Variants in WDR5 observed in about 807,000 individuals in gnomAD.
WDR5 encodes the protein WD repeat domain 5, also known as WD repeat-containing protein 5.
For synonymous variants in WDR5, 144 were observed against 161.6 expected, an observed-to-expected ratio of 0.89 and a Z score of 0.83; for missense variants, 187 against 416.9, an observed-to-expected ratio of 0.45 and a Z score of 4.80.
chr9:134,142,993 G>T lies in WDR5; in HGVS notation c.528+274G>T, dbSNP rs115886223. Among the ~76,000 whole-genome samples, 743 of 152,326 alleles carry T rather than the reference G, an allele frequency of 4.9e-3. 6 individuals carry two copies. The highest frequency in any genetic ancestry group is 0.017 in the African/African-American group (696 of 41,574). On this transcript the variant is annotated intron_variant, in intron 7 of 13. Coordinates refer to ENST00000358625, the MANE Select transcript of WDR5 (RefSeq NM_017588.3). The stretch of plus-strand genomic sequence containing the variant: ...GGCCGTTTGTGCAGACTTGGGGGCA[G>T]TGGCCACAGGCGTTCAGGAGGTAGT...
chr9:134,142,030 G>T lies in WDR5; in HGVS notation c.346G>T (p.Val116Leu). The change falls in exon 5 of 14, where the codon GTG (valine) becomes TTG (leucine). Residue 116 changes from valine to leucine, a missense_variant. By Grantham distance (32) the Val-to-Leu change is conservative. Coordinates refer to ENST00000358625, the MANE Select transcript of WDR5 (RefSeq NM_017588.3). ...TGACAAAACCTTGAAGATATGGGAC[G>T]TGAGCTCGGTAAGTGACACTCAGTG... Reference protein sequence around the residue: ...SDDKTLKIWDVSSGKCLKTLK... With the variant: ...SDDKTLKIWDLSSGKCLKTLK... The T allele has an allele frequency of 6.2e-7, 1 of 1,613,984 alleles. No individual in the cohort carries two copies. The highest frequency in any genetic ancestry group is 8.5e-7 in the Non-Finnish European group (1 of 1,179,942).
At chr9:134,152,703 G>A (rs548939411) in intron 9 of WDR5, among the ~76,000 whole-genome samples, 3 of 152,200 alleles carry the variant, frequency 2.0e-5, no homozygotes, top group Admixed American at 6.5e-5. Flanking sequence ...ATGGACCCCC[G>A]TGTGGGGAGG....
intron 12 of WDR5, among the ~76,000 whole-genome samples, chr9:134,156,017 G>C (rs1322630849): frequency 2.2e-4 from 34 of 152,242 alleles, no homozygotes; most frequent in Admixed American, 2.2e-3. Flanking sequence ...GACACCTTCC[G>C]AGGGCGCTGG....
chr9:134,152,159 TC>T (rs1399837309), intron 9 of WDR5, 130 bp downstream of exon 9: 4 of 1,101,968 alleles, frequency 3.6e-6, no homozygotes. Flanking sequence ...GGAACCTTCC[TC>T]CGTGTCCGAC....
At chr9:134,140,385 C>T (rs1394992424) in intron 2 of WDR5, among the ~76,000 whole-genome samples, 1 of 151,840 alleles carries the variant, frequency 6.6e-6, no homozygotes, top group Non-Finnish European at 1.5e-5. Flanking sequence ...TGTGCTGTAG[C>T]AGGATCACAG....
intron 7 of WDR5, among the ~76,000 whole-genome samples, chr9:134,145,935 TTC>T (rs1251461171): frequency 2.4e-5 from 2 of 84,944 alleles, no homozygotes; most frequent in Non-Finnish European, 5.2e-5. Flanking sequence ...GTTTCTTTCT[TTC>T]TTTTTTTTTT....
intron 7 of WDR5, among the ~76,000 whole-genome samples, chr9:134,145,657 A>G (rs1226040982): frequency 5.3e-5 from 8 of 152,234 alleles, no homozygotes; most frequent in Non-Finnish European, 7.3e-5. Context: ...ACTTAGAGGC[A>G]TGTGGCCCCC....
chr9:134,147,054 C>G (rs1243678473), intron 7 of WDR5, among the ~76,000 whole-genome samples: 1 of 149,244 alleles, frequency 6.7e-6, no homozygotes, highest in Non-Finnish European at 1.5e-5. Context: ...TTTCAGAGAC[C>G]TGGCACAAAA....
chr9:134,152,154 C>A, intron 9 of WDR5, 125 bp downstream of exon 9: 1 of 1,131,384 alleles, frequency 8.8e-7, no homozygotes, highest in South Asian at 1.5e-5. Flanking sequence ...CAGGAGGAAC[C>A]TTCCTCCGTG....
rs772494915 is a variant in WDR5 at position 134,139,962 on chromosome 9, C to T, written c.81+4C>T. The T allele has an allele frequency of 4.2e-5, 67 of 1,613,544 alleles. No individual in the cohort carries two copies. Among genetic ancestry groups the T allele is most frequent in the Non-Finnish European group, 5.1e-5 (60 of 1,179,980 alleles). On this transcript the variant is annotated splice_donor_region_variant and intron_variant, in intron 2 of 13. Coordinates refer to ENST00000358625, the MANE Select transcript of WDR5 (RefSeq NM_017588.3). ...GTCATCCGCCACTCAGAGCAAGGTG[C>T]GTGCCCAGGGGCCCCTTGGACACCT... is the stretch of plus-strand genomic sequence containing the variant.
intron 7 of WDR5, among the ~76,000 whole-genome samples, chr9:134,145,561 G>A (rs1055878857): frequency 2.6e-5 from 4 of 152,222 alleles, no homozygotes; most frequent in East Asian, 1.9e-4. Context: ...ATCTGTGGCC[G>A]TTTGTGCGGG....
At chr9:134,139,543 C>CT (rs891729868) in intron 1 of WDR5, among the ~76,000 whole-genome samples, 3 of 152,110 alleles carry the variant, frequency 2.0e-5, no homozygotes, top group African/African-American at 7.2e-5. Flanking sequence ...CTGCTGCATT[C>CT]TTACAGACTT....
At chr9:134,155,803 C>G (rs1832718844) in intron 12 of WDR5, 36 bp downstream of exon 12, 1 of 1,596,874 alleles carries the variant, frequency 6.3e-7, no homozygotes, top group African/African-American at 1.3e-5. Flanking sequence ...TCACCTGTTC[C>G]CAGCTTACTC....
intron 7 of WDR5, among the ~76,000 whole-genome samples, chr9:134,146,435 C>G (rs889255056): frequency 6.6e-6 from 1 of 152,182 alleles, no homozygotes; most frequent in Non-Finnish European, 1.5e-5. Context: ...AAGGTTTCAC[C>G]ATGTTGGCCA....
intron 7 of WDR5, among the ~76,000 whole-genome samples, chr9:134,146,534 C>A (rs1832212251): frequency 6.6e-6 from 1 of 152,242 alleles, no homozygotes; most frequent in Non-Finnish European, 1.5e-5. Context: ...CCGCGCCCGG[C>A]CTCCCTTATC....
At position 134,157,807 on chromosome 9, in the gene WDR5, TG is replaced by T; in HGVS notation, c.905-84del. On this transcript the variant is annotated intron_variant, in intron 13 of 13. Transcript: ENST00000358625. The surrounding 1 kb of genome is among the most constrained non-coding windows in gnomAD (Gnocchi z 5.0). ...GGCGGGCAGGCGCTACCCGCGTTTC[TG>T]GAGAAAGGTGGAGCTCAGTCTGGGA... 7.4e-7 allele frequency: 1 copy of T among 1,350,518 alleles called. No individual in the cohort carries two copies. The highest frequency in any genetic ancestry group is 1.1e-6 in the Non-Finnish European group (1 of 951,508). The allele number at this position is 1,350,518 out of a possible 1,614,324, so 83.7% of individuals were successfully genotyped here.
intron 7 of WDR5, among the ~76,000 whole-genome samples, chr9:134,143,788 T>C (rs936973206): frequency 6.6e-6 from 1 of 150,578 alleles, no homozygotes; most frequent in Admixed American, 6.6e-5. Context: ...ATGCTGGGAT[T>C]ACAAGTGTGA....
At chr9:134,146,126 G>A (rs28567437) in intron 7 of WDR5, among the ~76,000 whole-genome samples, 54,676 of 150,896 alleles carry the variant, frequency 0.36, 11,023 homozygotes, top group Non-Finnish European at 0.46. Flanking sequence ...CACCATGCCC[G>A]GCTAATTTTT....
At chr9:134,154,323 G>A (rs1832649485) in intron 9 of WDR5, 143 bp from the exon 10 acceptor site, 2 of 832,384 alleles carry the variant, frequency 2.4e-6, no homozygotes, top group Non-Finnish European at 4.1e-6. Flanking sequence ...CTTCGGGGCG[G>A]CGAGGGGTGG....
Sources: gnomAD v4.1 joint callset for allele counts (sites outside exome capture counted in the v4.1 genomes callset) on GRCh38, gnomAD v4.1.1 for gene constraint, Gnocchi (gnomAD v3.1) non-coding constraint, MANE v1.5 for transcripts, NCBI Gene and HGNC (gene_info 2026-07-23, HGNC 2026-07-21) for gene names.